CECR2: variants seen among roughly 807,000 people sequenced by gnomAD.
CECR2 encodes CECR2 histone acetyl-lysine reader, also known as chromatin remodeling regulator CECR2.
Under a neutral mutation model 154.5 loss-of-function variants are expected in CECR2, and 30 were observed. The observed-to-expected ratio is 0.19, with a 90% CI of 0.15 to 0.26. CECR2 has a LOEUF of 0.26. Among genes scored for constraint, CECR2 ranks in the 10% least tolerant of loss-of-function variants. The pLI is 1.00. For missense variants in CECR2, 1,743 were observed against 1,829.3 expected (o/e 0.95, Z 0.86); for synonymous variants, 725 against 683.7 (o/e 1.06, Z -0.94).
intron 1 of CECR2, among the ~76,000 whole-genome samples, chr22:17,426,277 G>GA (rs374162888): frequency 1.4e-4 from 22 of 151,884 alleles, no homozygotes; most frequent in Non-Finnish European, 2.9e-4. Context: ...TCCATAGTAG[G>GA]AAAAAATCCT....
chr22:17,385,029 T>C (rs1160045753), intron 1 of CECR2, among the ~76,000 whole-genome samples: 1 of 152,216 alleles, frequency 6.6e-6, no homozygotes, highest in African/African-American at 2.4e-5. Context: ...GCCTCCAACT[T>C]TTCTTCTGCA....
intron 1 of CECR2, among the ~76,000 whole-genome samples, chr22:17,364,206 G>A (rs2062990059): frequency 6.6e-6 from 1 of 151,778 alleles, no homozygotes; most frequent in Admixed American, 6.6e-5. Flanking sequence ...AGCTGGGTGT[G>A]GTGGCAGGCG....
chr22:17,438,471 A>G (rs2054537788), intron 1 of CECR2, among the ~76,000 whole-genome samples: 1 of 152,230 alleles, frequency 6.6e-6, no homozygotes, highest in South Asian at 2.1e-4. Context: ...TCTTAAAACA[A>G]CTTACTCAAT....
At chr22:17,454,364 G>A (rs1263795313) in intron 1 of CECR2, among the ~76,000 whole-genome samples, 2 of 151,780 alleles carry the variant, frequency 1.3e-5, no homozygotes, top group Admixed American at 1.3e-4. Flanking sequence ...GAGGGATTTG[G>A]GAGGCTGAGG....
chr22:17,477,057 G>A (rs1449254852), intron 1 of CECR2: 19 of 711,880 alleles, frequency 2.7e-5, no homozygotes, highest in Non-Finnish European at 2.1e-5. Flanking sequence ...CCATGTAGGT[G>A]TGGCATCCCA....
At chr22:17,437,310 C>G (rs140450886) in intron 1 of CECR2, among the ~76,000 whole-genome samples, 3 of 152,028 alleles carry the variant, frequency 2.0e-5, no homozygotes, top group African/African-American at 7.3e-5. Flanking sequence ...CACGCGTTGT[C>G]GGGAGGGGGG....
intron 10 of CECR2, among the ~76,000 whole-genome samples, 169 bp from the exon 11 acceptor site, chr22:17,538,351 C>T (rs2056468969): frequency 6.6e-6 from 1 of 152,110 alleles, no homozygotes; most frequent in Non-Finnish European, 1.5e-5. Flanking sequence ...GTCCACTGTC[C>T]CTCATTGTAT....
intron 17 of CECR2, among the ~76,000 whole-genome samples, chr22:17,550,941 C>CA (rs556526060): frequency 2.2e-4 from 32 of 145,120 alleles, no homozygotes; most frequent in South Asian, 6.5e-4. Flanking sequence ...GACTCTGTCT[C>CA]AAAAAAAAAA....
intron 1 of CECR2, among the ~76,000 whole-genome samples, chr22:17,412,299 C>G (rs150269451): frequency 6.6e-6 from 1 of 152,240 alleles, no homozygotes; most frequent in African/African-American, 2.4e-5. Context: ...AAGTTGTCAC[C>G]ATTGATAATG....
At chr22:17,512,599 A>G (rs2055977220) in intron 8 of CECR2, among the ~76,000 whole-genome samples, 1 of 151,210 alleles carries the variant, frequency 6.6e-6, no homozygotes, top group African/African-American at 2.4e-5. Flanking sequence ...GCTACTCGGG[A>G]GGCTGAAGCA....
At chr22:17,541,812 C>A in intron 14 of CECR2, 27 bp from the exon 15 acceptor site, 1 of 1,586,160 alleles carries the variant, frequency 6.3e-7, no homozygotes, top group Non-Finnish European at 8.6e-7. Flanking sequence ...CCTTTTTCCT[C>A]TTCTTGCTTT....
intron 1 of CECR2, among the ~76,000 whole-genome samples, chr22:17,407,143 A>T (rs2053996320): frequency 6.6e-6 from 1 of 152,220 alleles, no homozygotes; most frequent in African/African-American, 2.4e-5. Flanking sequence ...GAAACTTAAG[A>T]TAAACTCTTT....
At chr22:17,498,262 G>A (rs1024589775) in intron 3 of CECR2, among the ~76,000 whole-genome samples, 4 of 152,140 alleles carry the variant, frequency 2.6e-5, no homozygotes, top group Non-Finnish European at 4.4e-5. Context: ...GTGGTGGCAG[G>A]CGCCTGTAGT....
In CECR2 at chr22:17,548,926, G is replaced by T; in HGVS notation, c.3639G>T (p.Gln1213His). The change falls in exon 17 of 19, where the codon CAG (glutamine) becomes CAT (histidine). Residue 1213 changes from glutamine (Q) to histidine (H), a missense_variant. Around this residue, in one of 4 missense-constraint regions of CECR2, gnomAD observed 1,250 missense variants for 1,192.1 expected, o/e 1.05. Coordinates refer to ENST00000262608, the MANE Select transcript of CECR2 (RefSeq NM_001290047.2). ...YACPQSFSDW[Q>H]RPLHPQGSPS... is the part of the protein sequence containing the mutation. Reference sequence around the variant, plus strand: ...GTCCACAGAGCTTTTCTGACTGGCAGAGACCTCTCCATCCCCAGGGAAGCC... The same window carrying T: ...GTCCACAGAGCTTTTCTGACTGGCATAGACCTCTCCATCCCCAGGGAAGCC... 6.2e-7 allele frequency: 1 copy of T among 1,613,802 alleles called. No homozygotes were observed. Among genetic ancestry groups the T allele is most frequent in the Non-Finnish European group, 8.5e-7 (1 of 1,179,804 alleles).
At chr22:17,546,213 C>T (rs909846683) in intron 16 of CECR2, among the ~76,000 whole-genome samples, 5 of 152,056 alleles carry the variant, frequency 3.3e-5, no homozygotes, top group African/African-American at 7.2e-5. Context: ...TTTAGGCCGG[C>T]GCGATGGCTC....
intron 1 of CECR2, among the ~76,000 whole-genome samples, chr22:17,375,372 C>T (rs1337065272): frequency 6.6e-6 from 1 of 152,116 alleles, no homozygotes; most frequent in East Asian, 1.9e-4. Flanking sequence ...GCCTCAGCCT[C>T]CCAAAGTGCT....
intron 1 of CECR2, among the ~76,000 whole-genome samples, chr22:17,469,556 G>A (rs939627859): frequency 1.3e-5 from 2 of 151,776 alleles, no homozygotes; most frequent in African/African-American, 4.8e-5. Flanking sequence ...TCCCATGATG[G>A]ACAGCATACA....
At chr22:17,426,362 T>G (rs1786177733) in intron 1 of CECR2, among the ~76,000 whole-genome samples, 1 of 152,192 alleles carries the variant, frequency 6.6e-6, no homozygotes, top group Admixed American at 6.5e-5. Context: ...TTTTAATTTT[T>G]TTTTTTCTTC....
rs960069518 is a variant in CECR2, at chr22:17,514,905, C to T, written c.954+3009C>T. Among the ~76,000 whole-genome samples, 9 of 151,766 alleles carry T rather than the reference C, an allele frequency of 5.9e-5. No individual in the cohort carries two copies. The East Asian group carries it at 1.7e-3, about 29-fold the overall frequency. On this transcript the variant is annotated intron_variant, in intron 8 of 18. Coordinates refer to ENST00000262608, the MANE Select transcript of CECR2 (RefSeq NM_001290047.2). ...AAAATTAGCTGGGCGTGGTGGTGGG[C>T]GCCTGTAGTCCCAGCTACTTGGGAG...
Sources: gnomAD v4.1 joint callset for allele counts (sites outside exome capture counted in the v4.1 genomes callset) on GRCh38, gnomAD v4.1.1 for gene constraint, gnomAD v4.1.1 regional missense constraint, MANE v1.5 for transcripts, NCBI Gene and HGNC (gene_info 2026-07-23, HGNC 2026-07-21) for gene names.